The following AMZ1 variants were observed in gnomAD, a reference collection of about 807,000 sequenced individuals.
AMZ1 encodes the protein archaelysin family metallopeptidase 1, also known as archaemetzincin-1.
Under a neutral mutation model 29.9 loss-of-function variants are expected in AMZ1, and 39 were observed. The ratio of observed to expected loss-of-function variants is 1.30; its 90% CI spans 1.01 to 1.70. AMZ1 has a LOEUF of 1.70. Ranked by LOEUF, AMZ1 falls within the 40% of genes most tolerant of loss-of-function variation. The pLI, the probability that AMZ1 is intolerant of heterozygous loss-of-function variation, is 0.00. For missense variants in AMZ1, 1,041 were observed against 680.6 expected (o/e 1.53, Z -5.89); for synonymous variants, 458 against 304.0 (o/e 1.51, Z -5.27).
intron 4 of AMZ1, 34 bp from the exon 5 acceptor site, chr7:2,709,041 C>A: frequency 6.5e-7 from 1 of 1,534,904 alleles, no homozygotes; most frequent in Non-Finnish European, 8.8e-7. Flanking sequence ...CAAGGCTGAC[C>A]CCTGAGAGTG....
rs1041811766 is a variant in AMZ1, at chr7:2,719,178, C to CAACT, written c.*6301_*6304dup. On this transcript the variant is annotated 3_prime_UTR_variant, in exon 7 of 7. Transcript: ENST00000683327. ...GCAGCAGCTTTGTCGGCTGCCAACC[C>CAACT]AACTCCTCCGACAGAACGGCAGGTG... Among the ~76,000 whole-genome samples the CAACT allele has an allele frequency of 5.3e-5, 8 of 152,196 alleles. No individual in the cohort carries two copies. The highest frequency in any genetic ancestry group is 1.0e-4 in the Non-Finnish European group (7 of 68,026).
At position 2,755,760 on chromosome 7, in the gene AMZ1, A is replaced by C. The variant is rs555180164; in HGVS notation, n.551-8952A>C. Among the ~76,000 whole-genome samples, 86 of 152,340 alleles carry C rather than the reference A, an allele frequency of 5.6e-4. 1 individual carries two copies. The highest frequency in any genetic ancestry group is 1.9e-3 in the African/African-American group (79 of 41,574). ...GCCTTACTGCATTGGCTAAAACAGGAAATTTTTTTTAAATGTGAAAAATTT... is the reference window on the plus strand; with the variant it reads ...GCCTTACTGCATTGGCTAAAACAGGCAATTTTTTTTAAATGTGAAAAATTT... On this transcript the variant is annotated intron_variant and non_coding_transcript_variant, in intron 4 of 4. Coordinates refer to the AMZ1 transcript ENST00000489665.
chr7:2,698,263 C>A (rs571082863), intron 1 of AMZ1, among the ~76,000 whole-genome samples: 6 of 152,180 alleles, frequency 3.9e-5, no homozygotes, highest in Admixed American at 2.0e-4. Flanking sequence ...ACCAAACAGG[C>A]GTGGTGGCTC....
chr7:2,710,572 CTTCCTTCT>C, intron 6 of AMZ1, among the ~76,000 whole-genome samples: 1 of 152,294 alleles, frequency 6.6e-6, no homozygotes, highest in South Asian at 2.1e-4. Context: ...CTGGGCCCTC[CTTCCTTCT>C]GGGGTAGAGT....
In AMZ1 at chr7:2,717,850, G is replaced by A. The variant is rs542718371; in HGVS notation, c.*4972G>A. Among the ~76,000 whole-genome samples the A allele has an allele frequency of 9.1e-4, 139 of 152,270 alleles. No individual in the cohort carries two copies. Among genetic ancestry groups the A allele is most frequent in the African/African-American group, 2.4e-3 (98 of 41,534 alleles). ...GCAAATGAAAACAGGCTGATGTCAG[G>A]GGTTTATTTTAAAAAGCAATTTCCA... On this transcript the variant is annotated 3_prime_UTR_variant, in exon 7 of 7. Transcript: ENST00000683327.
rs1297543609 is a variant in AMZ1, at chr7:2,719,281, G to T, written c.*6403G>T. Among the ~76,000 whole-genome samples, 2 of 152,230 alleles carry T rather than the reference G, an allele frequency of 1.3e-5. No individual in the cohort carries two copies. The highest frequency in any genetic ancestry group is 4.8e-5 in the African/African-American group (2 of 41,456). On this transcript the variant is annotated 3_prime_UTR_variant, in exon 7 of 7. Coordinates refer to ENST00000683327, the MANE Select transcript of AMZ1 (RefSeq NM_001384743.1). Reference sequence around the variant, plus strand: ...CTCCCGCCTGCACCACTTGGAGGCAGTTGTTTCACGTGGGGCTCTTGATGG... The same window carrying T: ...CTCCCGCCTGCACCACTTGGAGGCATTTGTTTCACGTGGGGCTCTTGATGG...
chr7:2,696,817 T>C (rs1313762406), intron 1 of AMZ1, among the ~76,000 whole-genome samples: 1 of 151,940 alleles, frequency 6.6e-6, no homozygotes, highest in African/African-American at 2.4e-5. Context: ...ACCCAGAAAG[T>C]GGAGGTTGCA....
At chr7:2,688,823 T>TG (rs1279814821) in intron 1 of AMZ1, among the ~76,000 whole-genome samples, 1 of 152,130 alleles carries the variant, frequency 6.6e-6, no homozygotes, top group Non-Finnish European at 1.5e-5. Flanking sequence ...GAGAAGGCTG[T>TG]GGATATGATC....
intron 1 of AMZ1, among the ~76,000 whole-genome samples, chr7:2,688,581 C>T (rs1359905688): frequency 6.6e-6 from 1 of 152,230 alleles, no homozygotes; most frequent in East Asian, 1.9e-4. Context: ...CCGCCATCCT[C>T]TCCCAGGCCA....
intron 3 of AMZ1, among the ~76,000 whole-genome samples, chr7:2,708,219 G>T (rs928695678): frequency 6.6e-6 from 1 of 152,196 alleles, no homozygotes; most frequent in South Asian, 2.1e-4. Flanking sequence ...CCCTTTGGCT[G>T]TGGGGACTCA....
rs957599502 is a variant in AMZ1, at chr7:2,716,104, G to A, written c.*3226G>A. 4.6e-5 allele frequency: 7 copies of A among 152,222 alleles called. No individual in the cohort carries two copies. Among genetic ancestry groups the A allele is most frequent in the African/African-American group, 1.7e-4 (7 of 41,444 alleles). 9.4% of individuals were successfully genotyped at this position (152,222 alleles called of 1,614,324 possible). On this transcript the variant is annotated 3_prime_UTR_variant, in exon 7 of 7. Transcript: ENST00000683327. ...AAAATAGTTTCAGGTCATGACAGAT[G>A]TTATCTGTATTGCTGTGTGTGCGAT... is the stretch of plus-strand genomic sequence containing the variant.
chr7:2,726,405 C>T (rs1789618187), intron 4 of AMZ1, among the ~76,000 whole-genome samples: 1 of 152,304 alleles, frequency 6.6e-6, no homozygotes, highest in Non-Finnish European at 1.5e-5. Flanking sequence ...GACATCAGAA[C>T]CGCCTGGGAC....
rs116255700 is a variant in AMZ1 at position 2,735,584 on chromosome 7, C to A, written n.550+25768C>A. On this transcript the variant is annotated intron_variant and non_coding_transcript_variant, in intron 4 of 4. Transcript: ENST00000489665. Reference sequence around the variant, plus strand: ...CCTCGGTGTGAGTCTAAACACCCCTCGAGTCTGCAATCAGTCCCCCAGCTG... The same window carrying A: ...CCTCGGTGTGAGTCTAAACACCCCTAGAGTCTGCAATCAGTCCCCCAGCTG... 3.5e-3 allele frequency among the ~76,000 whole-genome samples: 529 copies of A among 152,286 alleles called. 3 individuals carry two copies. Among genetic ancestry groups the A allele is most frequent in the African/African-American group, 0.012 (490 of 41,556 alleles).
chr7:2,744,450 C>A (rs902088281), intron 4 of AMZ1, among the ~76,000 whole-genome samples: 12 of 152,308 alleles, frequency 7.9e-5, no homozygotes, highest in Admixed American at 7.8e-4. Context: ...AGACCTGCAG[C>A]TGAGGGTCCT....
At chr7:2,720,068 T>G (rs564268550), downstream of AMZ1, among the ~76,000 whole-genome samples, 7 of 152,352 alleles carry the variant, frequency 4.6e-5, no homozygotes, top group Non-Finnish European at 1.0e-4. Flanking sequence ...TTGAATTCGA[T>G]AAGCAATTCC....
chr7:2,697,187 C>T (rs1787795753), intron 1 of AMZ1, among the ~76,000 whole-genome samples: 1 of 152,178 alleles, frequency 6.6e-6, no homozygotes, highest in Non-Finnish European at 1.5e-5. Flanking sequence ...ACTGCAACCT[C>T]TGCCTCCCGG....
At position 2,712,343 on chromosome 7, in the gene AMZ1, G is replaced by A. The variant is rs1788835300; in HGVS notation, c.962G>A (p.Trp321Ter). ...TCTCCCTCTTAGAGACTCTACACCTGGACTCAGGCGGTGGTGGGGACGTGG... is the reference window on the plus strand; with the variant it reads ...TCTCCCTCTTAGAGACTCTACACCTAGACTCAGGCGGTGGTGGGGACGTGG... ...LIERYQRLYT[W>*]TQAVVGTWPS... Residue 321 changes from tryptophan to a stop codon, truncating the protein, a stop_gained, in exon 7 of 7, where the codon TGG becomes TAG. Transcript: ENST00000683327. LOFTEE classifies it low-confidence loss of function (END_TRUNC). 2 of 1,590,464 alleles carry A rather than the reference G, an allele frequency of 1.3e-6. No individual in the cohort carries two copies. Among genetic ancestry groups the A allele is most frequent in the African/African-American group, 1.3e-5 (1 of 74,694 alleles).
At chr7:2,739,917 C>T (rs1401643029) in intron 4 of AMZ1, among the ~76,000 whole-genome samples, 1 of 152,196 alleles carries the variant, frequency 6.6e-6, no homozygotes, top group African/African-American at 2.4e-5. Flanking sequence ...CAGTGATCCG[C>T]CCGCCTTGGC....
chr7:2,757,304 T>G (rs1400847771), intron 4 of AMZ1, among the ~76,000 whole-genome samples: 1 of 151,620 alleles, frequency 6.6e-6, no homozygotes, highest in African/African-American at 2.4e-5. Flanking sequence ...CCGGCTAATT[T>G]TTTGTAGTTT....
Sources: gnomAD v4.1 joint callset for allele counts (sites outside exome capture counted in the v4.1 genomes callset) on GRCh38, gnomAD v4.1.1 for gene constraint, MANE v1.5 for transcripts, NCBI Gene and HGNC (gene_info 2026-07-23, HGNC 2026-07-21) for gene names.